ZFAND6: variants seen among roughly 807,000 people sequenced by gnomAD.
ZFAND6 encodes AN1-type zinc finger protein 6.
Under a neutral mutation model 24.5 loss-of-function variants are expected in ZFAND6, and 12 were observed. That is an observed-to-expected ratio of 0.49 (90% confidence interval 0.31 to 0.79). The LOEUF (loss-of-function observed/expected upper bound fraction) is 0.79. Ranked by LOEUF, ZFAND6 falls within the 30% of genes least tolerant of loss-of-function variation. The pLI, the probability that ZFAND6 is intolerant of heterozygous loss-of-function variation, is 0.04. For missense variants in ZFAND6, 207 were observed against 245.9 expected (o/e 0.84, Z 1.06); for synonymous variants, 92 against 81.5 (o/e 1.13, Z -0.69).
chr15:80,112,484 G>A (rs898032968), intron 2 of ZFAND6, among the ~76,000 whole-genome samples: 3 of 151,862 alleles, frequency 2.0e-5, no homozygotes, highest in Non-Finnish European at 2.9e-5. Flanking sequence ...TGCAACCTCC[G>A]CCTCTTGGGT....
intron 1 of ZFAND6, among the ~76,000 whole-genome samples, chr15:80,078,960 C>G (rs1479663367): frequency 6.6e-6 from 1 of 151,454 alleles, no homozygotes. Flanking sequence ...CATATGTATA[C>G]ATGTGCCATG....
chr15:80,105,836 A>G (rs968232422), intron 2 of ZFAND6, among the ~76,000 whole-genome samples: 1 of 152,214 alleles, frequency 6.6e-6, no homozygotes, highest in African/African-American at 2.4e-5. Context: ...GTTTTAACTG[A>G]AAGAAAATCA....
At chr15:80,112,843 A>G (rs1295073519) in intron 2 of ZFAND6, 4 of 456,118 alleles carry the variant, frequency 8.8e-6, no homozygotes, top group South Asian at 1.5e-5. Flanking sequence ...TCAAGCACCT[A>G]TGCCAAGTTA....
intron 1 of ZFAND6, among the ~76,000 whole-genome samples, chr15:80,097,342 A>T (rs1232406554): frequency 2.0e-5 from 3 of 152,022 alleles, no homozygotes; most frequent in African/African-American, 4.8e-5. Context: ...AGCAATATAA[A>T]TTTTTTTAAA....
intron 2 of ZFAND6, among the ~76,000 whole-genome samples, chr15:80,104,678 C>G (rs1011016062): frequency 1.4e-4 from 21 of 152,150 alleles, no homozygotes; most frequent in African/African-American, 5.1e-4. Flanking sequence ...TTTCATTGTA[C>G]TTTTCTTGAG....
chr15:80,107,508 G>T (rs2039393911), intron 2 of ZFAND6, among the ~76,000 whole-genome samples: 2 of 152,090 alleles, frequency 1.3e-5, no homozygotes, highest in Non-Finnish European at 1.5e-5. Context: ...CAGTGAATAA[G>T]ACGAATAACA....
At chr15:80,127,236 G>T (rs1264331639) in intron 5 of ZFAND6, among the ~76,000 whole-genome samples, 2 of 151,952 alleles carry the variant, frequency 1.3e-5, no homozygotes, top group Non-Finnish European at 2.9e-5. Context: ...ATAAGCAAAG[G>T]ATTTGAGTGG....
chr15:80,115,377 G>C lies in ZFAND6; in HGVS notation c.-17-4951G>C, dbSNP rs541250754. ...AATCATTTTTAAAGTATCTGGTAGA[G>C]TGATCTTACTCTCTGTCTCTGGATT... On this transcript the variant is annotated intron_variant, in intron 2 of 6. Transcript: ENST00000261749. Among the ~76,000 whole-genome samples the C allele has an allele frequency of 5.3e-5, 8 of 152,258 alleles. No individual in the cohort carries two copies. The East Asian group carries it at 1.5e-3, about 29-fold the overall frequency.
At chr15:80,079,468 C>A (rs2037509762) in intron 1 of ZFAND6, among the ~76,000 whole-genome samples, 2 of 152,046 alleles carry the variant, frequency 1.3e-5, no homozygotes, top group Middle Eastern at 6.8e-3. Flanking sequence ...GATCCGCCCA[C>A]CTCGGCCTCC....
At chr15:80,088,425 G>T (rs747974047) in intron 1 of ZFAND6, among the ~76,000 whole-genome samples, 1 of 152,062 alleles carries the variant, frequency 6.6e-6, no homozygotes, top group African/African-American at 2.4e-5. Flanking sequence ...AAATTAGGGG[G>T]TGTGGTGGTG....
intron 1 of ZFAND6, among the ~76,000 whole-genome samples, chr15:80,061,297 C>T (rs1418128023): frequency 2.0e-5 from 3 of 152,140 alleles, no homozygotes; most frequent in African/African-American, 7.2e-5. Context: ...TATGTCAGAA[C>T]TTACACGTTT....
chr15:80,094,672 TAAC>T (rs976643721), intron 1 of ZFAND6, among the ~76,000 whole-genome samples: 6 of 152,218 alleles, frequency 3.9e-5, no homozygotes, highest in East Asian at 1.9e-4. Flanking sequence ...TGTATAGTTT[TAAC>T]AACAAGGACC....
chr15:80,081,418 A>G (rs2037661203), intron 1 of ZFAND6, among the ~76,000 whole-genome samples: 2 of 152,266 alleles, frequency 1.3e-5, no homozygotes, highest in Non-Finnish European at 2.9e-5. Flanking sequence ...AATGGAATTT[A>G]ATTGAGCAAA....
intron 2 of ZFAND6, among the ~76,000 whole-genome samples, chr15:80,116,989 C>T (rs888207757): frequency 6.6e-6 from 1 of 152,134 alleles, no homozygotes; most frequent in African/African-American, 2.4e-5. Flanking sequence ...AAGCAACCAA[C>T]ATTGGTTGCT....
chr15:80,072,180 ACT>A (rs367994479), intron 1 of ZFAND6, among the ~76,000 whole-genome samples: 40 of 152,220 alleles, frequency 2.6e-4, no homozygotes, highest in African/African-American at 9.6e-4. Flanking sequence ...TAAAATGTGA[ACT>A]CTATTAAAAA....
At chr15:80,076,748 C>CA (rs751387652) in intron 1 of ZFAND6, among the ~76,000 whole-genome samples, 12 of 152,176 alleles carry the variant, frequency 7.9e-5, no homozygotes, top group Middle Eastern at 3.2e-3. Context: ...TTCCTTTACA[C>CA]ACTGAGCTGT....
At chr15:80,134,810 C>CA (rs34794765) in intron 6 of ZFAND6, among the ~76,000 whole-genome samples, 93,425 of 151,940 alleles carry the variant, frequency 0.61, 29,505 homozygotes, top group Admixed American at 0.71. Flanking sequence ...AGAGAAAAAG[C>CA]GTGCAAGAAA....
intron 5 of ZFAND6, chr15:80,129,980 G>A (rs891763027): frequency 6.6e-6 from 1 of 152,220 alleles, no homozygotes; most frequent in Non-Finnish European, 1.5e-5. Flanking sequence ...GTACTGTTGA[G>A]GAATAGTGAG....
intron 2 of ZFAND6, among the ~76,000 whole-genome samples, chr15:80,111,198 A>G (rs1231969657): frequency 6.6e-6 from 1 of 152,222 alleles, no homozygotes; most frequent in African/African-American, 2.4e-5. Context: ...ATAACTCCAT[A>G]TAAATCATGT....
Sources: gnomAD v4.1 joint callset for allele counts (sites outside exome capture counted in the v4.1 genomes callset) on GRCh38, gnomAD v4.1.1 for gene constraint, MANE v1.5 for transcripts, NCBI Gene and HGNC (gene_info 2026-07-23, HGNC 2026-07-21) for gene names.